The following FSHR variants were observed in gnomAD, a reference collection of about 807,000 sequenced individuals.
FSHR encodes follicle stimulating hormone receptor.
Under a neutral mutation model 52.1 loss-of-function variants are expected in FSHR, and 46 were observed. The observed-to-expected ratio is 0.88, with a 90% CI of 0.70 to 1.13. The LOEUF (loss-of-function observed/expected upper bound fraction) is 1.13, where lower values mean the gene tolerates loss of function less well. Among genes scored for constraint, FSHR ranks in the 50% most tolerant of loss-of-function variants. The probability of loss-of-function intolerance (pLI) is 0.00; values close to 1 mark genes in which losing one functional copy is unlikely to be tolerated. For synonymous variants in FSHR, 399 were observed against 309.6 expected (o/e 1.29, Z -3.03); for missense variants, 964 against 834.6 (o/e 1.16, Z -1.91).
At chr2:49,057,797 A>G (rs921275362) in intron 2 of FSHR, among the ~76,000 whole-genome samples, 3 of 152,208 alleles carry the variant, frequency 2.0e-5, no homozygotes, top group African/African-American at 7.2e-5. Flanking sequence ...TCCAAAACCA[A>G]TAAGACATCA....
At chr2:49,001,360 T>C (rs1666876076) in intron 4 of FSHR, among the ~76,000 whole-genome samples, 1 of 152,128 alleles carries the variant, frequency 6.6e-6, no homozygotes, top group South Asian at 2.1e-4. Flanking sequence ...ACCCAGGCAC[T>C]CTGGCTCCCC....
At chr2:49,041,017 T>C (rs1337871891) in intron 2 of FSHR, among the ~76,000 whole-genome samples, 1 of 152,184 alleles carries the variant, frequency 6.6e-6, no homozygotes, top group Non-Finnish European at 1.5e-5. Flanking sequence ...TTACCTGAGC[T>C]AAACATTCAG....
intron 1 of FSHR, among the ~76,000 whole-genome samples, chr2:49,129,162 A>G (rs1672173436): frequency 6.6e-6 from 1 of 152,036 alleles, no homozygotes; most frequent in African/African-American, 2.4e-5. Context: ...ACAGCCCAGT[A>G]AATACCACTG....
rs1674334351 is a variant in FSHR at position 48,963,612 on chromosome 2, G to A, written c.1209C>T (p.Asn403=). The change falls in exon 10 of 10, where the codon AAC becomes AAT. Residue 403 remains asparagine (N), a synonymous_variant. Transcript: ENST00000406846. ...KLTVPRFLMC[N]LAFADLCIGI... ...CAATGCAGAGATCAGCAAAGGCCAG[G>A]TTGCACATAAGGAACCTGGGGACTG... 1 of 1,614,204 alleles carries A rather than the reference G, an allele frequency of 6.2e-7. No individual in the cohort carries two copies. The highest frequency in any genetic ancestry group is 1.1e-5 in the South Asian group (1 of 91,090).
At chr2:49,024,413 A>G (rs1011898382) in intron 2 of FSHR, among the ~76,000 whole-genome samples, 1 of 152,154 alleles carries the variant, frequency 6.6e-6, no homozygotes, top group African/African-American at 2.4e-5. Context: ...GACCTCTACT[A>G]AAAATACAAA....
At chr2:49,097,690 C>G (rs1250216774) in intron 1 of FSHR, among the ~76,000 whole-genome samples, 1 of 152,146 alleles carries the variant, frequency 6.6e-6, no homozygotes, top group East Asian at 1.9e-4. Flanking sequence ...GGCAGATCAC[C>G]CCTGCACTGT....
At chr2:49,069,034 C>G (rs551979587) in intron 1 of FSHR, among the ~76,000 whole-genome samples, 1 of 152,108 alleles carries the variant, frequency 6.6e-6, no homozygotes, top group Admixed American at 6.6e-5. Flanking sequence ...CTGACTTCAG[C>G]TTTTGCCGTT....
intron 1 of FSHR, among the ~76,000 whole-genome samples, chr2:49,123,739 G>T (rs1671899600): frequency 6.6e-6 from 1 of 151,974 alleles, no homozygotes; most frequent in Non-Finnish European, 1.5e-5. Flanking sequence ...TCTCCCCAGG[G>T]GAGAGAGAGA....
At chr2:49,060,494 C>T (rs112827990) in intron 2 of FSHR, among the ~76,000 whole-genome samples, 2,403 of 152,248 alleles carry the variant, frequency 0.016, 52 homozygotes, top group African/African-American at 0.049. Flanking sequence ...ACCCCAGTAC[C>T]TAAGCTGATG....
intron 4 of FSHR, among the ~76,000 whole-genome samples, chr2:49,015,115 C>A (rs1164808133): frequency 1.3e-5 from 2 of 152,056 alleles, no homozygotes; most frequent in African/African-American, 4.8e-5. Flanking sequence ...GTTTTTACAG[C>A]CGCTCTATAG....
intron 2 of FSHR, among the ~76,000 whole-genome samples, chr2:49,023,455 C>T (rs911769809): frequency 6.6e-5 from 10 of 152,128 alleles, no homozygotes; most frequent in African/African-American, 2.2e-4. Context: ...TTCTTTCACC[C>T]CCTTTTCTGC....
intron 2 of FSHR, among the ~76,000 whole-genome samples, chr2:49,059,250 C>T (rs1045082995): frequency 1.3e-4 from 20 of 151,894 alleles, no homozygotes; most frequent in African/African-American, 4.6e-4. Flanking sequence ...ACAATGCCGT[C>T]ATTCACAGAA....
intron 2 of FSHR, among the ~76,000 whole-genome samples, chr2:49,021,775 A>C (rs1214829595): frequency 6.7e-6 from 1 of 149,424 alleles, no homozygotes; most frequent in Admixed American, 6.7e-5. Context: ...TTTATTTGGT[A>C]AATTAAAGTC....
intron 8 of FSHR, among the ~76,000 whole-genome samples, chr2:48,979,844 G>A (rs1675167658): frequency 1.3e-5 from 2 of 151,908 alleles, no homozygotes; most frequent in African/African-American, 4.8e-5. Flanking sequence ...AGCGGGGACT[G>A]CAATCTGACC....
At chr2:49,067,103 C>A (rs899428974) in intron 2 of FSHR, among the ~76,000 whole-genome samples, 2 of 151,908 alleles carry the variant, frequency 1.3e-5, no homozygotes, top group Non-Finnish European at 1.5e-5. Flanking sequence ...TCACGTAAGC[C>A]CCTTTTTAAA....
chr2:49,147,111 T>G (rs186794444), intron 1 of FSHR, among the ~76,000 whole-genome samples: 1 of 152,232 alleles, frequency 6.6e-6, no homozygotes, highest in African/African-American at 2.4e-5. Flanking sequence ...TCAGCCAGCC[T>G]ATTTCATACG....
In FSHR at chr2:49,151,009, G is replaced by A. The variant is rs556621647; in HGVS notation, c.152+3257C>T. Among the ~76,000 whole-genome samples the A allele has an allele frequency of 2.3e-4, 35 of 152,050 alleles. 1 individual carries two copies. In the South Asian group the frequency reaches 6.9e-3, roughly 30 times the overall value. On this transcript the variant is annotated intron_variant, in intron 1 of 9. Transcript: ENST00000406846. ...CTGTGTTCATAAATAAAGTTTTCTT[G>A]GAACATGTCCATGTTCATTAATTTA...
At chr2:49,021,886 T>TATATATATATATATATAGAGAG (rs1273265515) in intron 2 of FSHR, among the ~76,000 whole-genome samples, 3 of 25,122 alleles carry the variant, frequency 1.2e-4, no homozygotes, top group African/African-American at 2.9e-4. Context: ...TATATATATA[T>TATATATATATATATATAGAGAG]AGAGAGAGAG....
chr2:48,965,640 G>C (rs1189244685), intron 9 of FSHR, among the ~76,000 whole-genome samples: 1 of 152,142 alleles, frequency 6.6e-6, no homozygotes, highest in Non-Finnish European at 1.5e-5. Flanking sequence ...TTGGTTCATT[G>C]GACTGAGCTC....
Sources: allele counts gnomAD v4.1 joint callset (sites outside exome capture counted in the v4.1 genomes callset), GRCh38; gene constraint gnomAD v4.1.1; transcripts MANE v1.5; gene names NCBI Gene and HGNC (gene_info 2026-07-23, HGNC 2026-07-21).